CNTNAP5: variants seen among roughly 807,000 people sequenced by gnomAD.
The protein encoded by CNTNAP5 is contactin associated protein family member 5.
In CNTNAP5, 72 loss-of-function variants were observed where a neutral mutation model predicts 150.2. The ratio of observed to expected loss-of-function variants is 0.48; its 90% confidence interval spans 0.40 to 0.58. The LOEUF (loss-of-function observed/expected upper bound fraction) is 0.58. CNTNAP5 is among the 20% of genes least tolerant of loss of function. The pLI is 0.00. For missense variants in CNTNAP5, 1,636 were observed against 1,626.2 expected, an observed-to-expected ratio of 1.01 and a Z score of -0.10; for synonymous variants, 672 against 619.8, an observed-to-expected ratio of 1.08 and a Z score of -1.25.
intron 23 of CNTNAP5, among the ~76,000 whole-genome samples, chr2:124,912,044 G>A (rs553319418): frequency 2.6e-5 from 4 of 152,018 alleles, no homozygotes; most frequent in Non-Finnish European, 5.9e-5. Context: ...TGCAGACCTT[G>A]TCTGCTCTGC....
chr2:124,376,878 G>A (rs552580062), intron 3 of CNTNAP5, among the ~76,000 whole-genome samples: 4 of 152,044 alleles, frequency 2.6e-5, no homozygotes, highest in Non-Finnish European at 5.9e-5. Flanking sequence ...CACCAGAGAA[G>A]TACTGGGGAA....
chr2:124,461,190 A>T (rs968861397), intron 6 of CNTNAP5, among the ~76,000 whole-genome samples: 1 of 152,088 alleles, frequency 6.6e-6, no homozygotes, highest in Non-Finnish European at 1.5e-5. Context: ...TATACCCAAA[A>T]GACTATAAAT....
intron 3 of CNTNAP5, among the ~76,000 whole-genome samples, chr2:124,298,166 C>T (rs568337093): frequency 1.2e-3 from 188 of 152,080 alleles, no homozygotes; most frequent in African/African-American, 4.3e-3. Flanking sequence ...TTTTTTAAAA[C>T]TTTTATTTTA....
At chr2:124,490,855 A>G (rs1279559922) in intron 7 of CNTNAP5, among the ~76,000 whole-genome samples, 1 of 152,068 alleles carries the variant, frequency 6.6e-6, no homozygotes, top group East Asian at 1.9e-4. Flanking sequence ...AAATTAAGTT[A>G]CTCTGTTTTA....
At chr2:124,783,814 T>A (rs1402274707) in intron 17 of CNTNAP5, among the ~76,000 whole-genome samples, 1 of 152,108 alleles carries the variant, frequency 6.6e-6, no homozygotes, top group Admixed American at 6.6e-5. Context: ...ACCAGTATTA[T>A]TAAATAGTGT....
intron 3 of CNTNAP5, among the ~76,000 whole-genome samples, chr2:124,285,859 C>T (rs140804359): frequency 6.6e-6 from 1 of 151,882 alleles, no homozygotes; most frequent in Non-Finnish European, 1.5e-5. Context: ...AGAGAGAAAA[C>T]CCTGGGTATG....
chr2:124,085,616 A>G (rs953492808), intron 1 of CNTNAP5, among the ~76,000 whole-genome samples: 1 of 150,226 alleles, frequency 6.7e-6, no homozygotes, highest in African/African-American at 2.5e-5. Context: ...ATTGACTTGA[A>G]CTCTTTTCTA....
chr2:124,805,339 C>T (rs952863684), intron 19 of CNTNAP5, among the ~76,000 whole-genome samples: 4 of 152,004 alleles, frequency 2.6e-5, no homozygotes, highest in Non-Finnish European at 5.9e-5. Flanking sequence ...AGAGAGAGAG[C>T]TATAATAACT....
chr2:124,183,353 A>G (rs1685253737), intron 1 of CNTNAP5, among the ~76,000 whole-genome samples: 1 of 152,234 alleles, frequency 6.6e-6, no homozygotes, highest in African/African-American at 2.4e-5. Flanking sequence ...GGTAATCTTA[A>G]AAACCTTTAA....
intron 13 of CNTNAP5, among the ~76,000 whole-genome samples, chr2:124,745,516 C>T (rs927632831): frequency 6.6e-6 from 1 of 152,158 alleles, no homozygotes; most frequent in Non-Finnish European, 1.5e-5. Context: ...ATAAGCCTGC[C>T]AGTCCTCTAG....
chr2:124,340,583 T>A (rs889173029), intron 3 of CNTNAP5, among the ~76,000 whole-genome samples: 6 of 151,888 alleles, frequency 4.0e-5, no homozygotes, highest in Non-Finnish European at 5.9e-5. Flanking sequence ...ATAAAGATTG[T>A]ACTATTATTC....
At chr2:124,846,220 A>G (rs1344266884) in intron 19 of CNTNAP5, among the ~76,000 whole-genome samples, 1 of 152,206 alleles carries the variant, frequency 6.6e-6, no homozygotes, top group East Asian at 1.9e-4. Flanking sequence ...ATTATGGTTC[A>G]GTTCAAAGAA....
At chr2:124,807,872 A>G (rs1682114395) in intron 19 of CNTNAP5, among the ~76,000 whole-genome samples, 2 of 152,308 alleles carry the variant, frequency 1.3e-5, no homozygotes, top group Non-Finnish European at 1.5e-5. Context: ...ATGGGGTAAT[A>G]TATCAGGAGT....
chr2:124,295,359 C>T (rs898707848), intron 3 of CNTNAP5, among the ~76,000 whole-genome samples: 9 of 151,014 alleles, frequency 6.0e-5, no homozygotes, highest in Non-Finnish European at 1.3e-4. Flanking sequence ...CAGGTAGATA[C>T]CTCAGTTTCA....
At chr2:124,392,923 C>A (rs1691158276) in intron 3 of CNTNAP5, among the ~76,000 whole-genome samples, 1 of 152,168 alleles carries the variant, frequency 6.6e-6, no homozygotes, top group Non-Finnish European at 1.5e-5. Context: ...CATGTACAGA[C>A]AATGAAGTCT....
At position 124,076,701 on chromosome 2, in the gene CNTNAP5, A is replaced by G. The variant is rs1682446446; in HGVS notation, c.82+50969A>G. Among the ~76,000 whole-genome samples, 3 of 152,252 alleles carry G rather than the reference A, an allele frequency of 2.0e-5. No individual in the cohort carries two copies. The South Asian group carries it at 6.2e-4, about 32-fold the overall frequency. On this transcript the variant is annotated intron_variant, in intron 1 of 23. Coordinates refer to ENST00000682447, the MANE Select transcript of CNTNAP5 (RefSeq NM_001367498.1). ...TGCATTAACCCTGTTTTGGAAAGGCAAGAATTCCTTTCTAATCTGTAGTCA... is the reference window on the plus strand; with the variant it reads ...TGCATTAACCCTGTTTTGGAAAGGCGAGAATTCCTTTCTAATCTGTAGTCA...
chr2:124,764,937 T>C (rs140561797), intron 16 of CNTNAP5, among the ~76,000 whole-genome samples: 78 of 152,256 alleles, frequency 5.1e-4, no homozygotes, highest in African/African-American at 1.8e-3. Flanking sequence ...TCTGAGTCTC[T>C]ACTTCTCGAA....
At chr2:124,368,653 G>GA (rs1191100172) in intron 3 of CNTNAP5, among the ~76,000 whole-genome samples, 1 of 152,074 alleles carries the variant, frequency 6.6e-6, no homozygotes, top group Non-Finnish European at 1.5e-5. Context: ...TACTGGTATG[G>GA]AAAACTATTC....
intron 19 of CNTNAP5, among the ~76,000 whole-genome samples, chr2:124,823,205 C>T (rs1051792476): frequency 5.9e-5 from 9 of 152,164 alleles, no homozygotes; most frequent in African/African-American, 1.9e-4. Flanking sequence ...ATGAAGTAGG[C>T]TTAGAACGGA....
Sources: allele counts gnomAD v4.1 joint callset (sites outside exome capture counted in the v4.1 genomes callset), GRCh38; gene constraint gnomAD v4.1.1; transcripts MANE v1.5; gene names NCBI Gene and HGNC (gene_info 2026-07-23, HGNC 2026-07-21).